The following GRID1 variants were observed in gnomAD, a reference collection of about 807,000 sequenced individuals.
GRID1 encodes glutamate receptor ionotropic, delta-1.
In GRID1, 28 loss-of-function variants were observed where a neutral mutation model predicts 98.0. That is an observed-to-expected ratio of 0.29 (90% CI 0.21 to 0.39). GRID1 has a LOEUF of 0.39. Among genes scored for constraint, GRID1 ranks in the 10% least tolerant of loss-of-function variants. GRID1 has a pLI of 1.00. For missense variants in GRID1, 1,111 were observed against 1,340.5 expected (o/e 0.83, Z 2.67); for synonymous variants, 553 against 538.5 (o/e 1.03, Z -0.37).
At chr10:85,906,352 C>T (rs1841460910) in intron 5 of GRID1, among the ~76,000 whole-genome samples, 1 of 152,000 alleles carries the variant, frequency 6.6e-6, no homozygotes, top group South Asian at 2.1e-4. Context: ...AAAAAGTAGA[C>T]CAAATAATCA....
chr10:85,689,114 G>A (rs562618680), intron 12 of GRID1, among the ~76,000 whole-genome samples: 22 of 152,220 alleles, frequency 1.4e-4, no homozygotes, highest in Admixed American at 6.5e-4. Context: ...CGTCGAGCAC[G>A]CACAACTCTC....
At chr10:86,168,804 G>A (rs1845438557) in intron 3 of GRID1, among the ~76,000 whole-genome samples, 1 of 152,120 alleles carries the variant, frequency 6.6e-6, no homozygotes, top group African/African-American at 2.4e-5. Context: ...TTACCCTGGG[G>A]GACAGGGCAG....
In GRID1 at chr10:85,599,842, C is replaced by A; in HGVS notation, c.*2431G>T. The A allele has an allele frequency of 9.0e-6, 1 of 110,732 alleles. No individual in the cohort carries two copies. The highest frequency in any genetic ancestry group is 7.1e-3 in the Middle Eastern group (1 of 140). 6.9% of individuals were successfully genotyped at this position (110,732 alleles called of 1,614,324 possible). ...ATATAAACATGGTGAAGAATAACACCATGAGGTGTTAAGGATTTTGTATAA... is the reference window on the plus strand; with the variant it reads ...ATATAAACATGGTGAAGAATAACACAATGAGGTGTTAAGGATTTTGTATAA... On this transcript the variant is annotated 3_prime_UTR_variant, in exon 16 of 16. Coordinates refer to ENST00000327946, the MANE Select transcript of GRID1 (RefSeq NM_017551.3).
intron 2 of GRID1, among the ~76,000 whole-genome samples, chr10:86,236,277 G>C (rs1231342824): frequency 6.6e-6 from 1 of 152,118 alleles, no homozygotes; most frequent in Non-Finnish European, 1.5e-5. Flanking sequence ...TATATGTTCT[G>C]GACAGAAATT....
chr10:86,161,637 C>G (rs1171132992), intron 3 of GRID1, among the ~76,000 whole-genome samples: 2 of 152,132 alleles, frequency 1.3e-5, no homozygotes, highest in African/African-American at 4.8e-5. Context: ...GGGCTTATCT[C>G]TCATCAGTCA....
chr10:86,218,707 G>A (rs969466178), intron 2 of GRID1, among the ~76,000 whole-genome samples: 3 of 152,164 alleles, frequency 2.0e-5, no homozygotes, highest in Non-Finnish European at 4.4e-5. Context: ...CCTCTCCAGG[G>A]ACCTTCTTGT....
At chr10:86,296,032 G>A (rs1180543461) in intron 2 of GRID1, among the ~76,000 whole-genome samples, 1 of 152,204 alleles carries the variant, frequency 6.6e-6, no homozygotes, top group Non-Finnish European at 1.5e-5. Context: ...TAGTGCTACT[G>A]GGAAGTGGCC....
intron 4 of GRID1, among the ~76,000 whole-genome samples, chr10:86,069,314 G>T (rs1405890364): frequency 6.6e-6 from 1 of 152,180 alleles, no homozygotes; most frequent in African/African-American, 2.4e-5. Flanking sequence ...GGATGGAGCT[G>T]CTCCAGACCA....
At chr10:85,915,514 CACAG>C (rs1435793311) in intron 5 of GRID1, among the ~76,000 whole-genome samples, 2 of 151,202 alleles carry the variant, frequency 1.3e-5, no homozygotes, top group Non-Finnish European at 2.9e-5. Context: ...TGCACACACA[CACAG>C]ACACACATAT....
intron 2 of GRID1, among the ~76,000 whole-genome samples, chr10:86,285,718 C>A (rs1564728796): frequency 6.6e-6 from 1 of 152,104 alleles, no homozygotes; most frequent in East Asian, 1.9e-4. Context: ...GGAATAGGTA[C>A]AGATTAGATG....
chr10:85,775,508 G>C (rs1842322143), intron 8 of GRID1, among the ~76,000 whole-genome samples: 1 of 151,730 alleles, frequency 6.6e-6, no homozygotes, highest in South Asian at 2.1e-4. Flanking sequence ...AAAAAAGATG[G>C]CAACAATAGA....
chr10:86,293,101 C>T (rs1847539387), intron 2 of GRID1, among the ~76,000 whole-genome samples: 1 of 152,200 alleles, frequency 6.6e-6, no homozygotes, highest in African/African-American at 2.4e-5. Flanking sequence ...GCTGTGCCGG[C>T]GCTGCCTCTG....
chr10:85,821,156 A>G (rs1041665899), intron 8 of GRID1, among the ~76,000 whole-genome samples: 1 of 151,656 alleles, frequency 6.6e-6, no homozygotes, highest in Non-Finnish European at 1.5e-5. Flanking sequence ...AGAAAGAGTA[A>G]AAAAAAAGCA....
rs78781796 is a variant in GRID1 at position 86,019,863 on chromosome 10, T to C, written c.727-103624A>G. The stretch of plus-strand genomic sequence containing the variant: ...GGCCAGGGTGGTTCGAGGAGCACAC[T>C]GATGGCAGCAGCCAGCTCACTGGCA... On this transcript the variant is annotated intron_variant, in intron 4 of 15. Coordinates refer to ENST00000327946, the MANE Select transcript of GRID1 (RefSeq NM_017551.3). Among the ~76,000 whole-genome samples, 95 of 152,352 alleles carry C rather than the reference T, an allele frequency of 6.2e-4. 1 individual carries two copies. Among genetic ancestry groups the C allele is most frequent in the African/African-American group, 2.0e-3 (85 of 41,576 alleles).
intron 4 of GRID1, among the ~76,000 whole-genome samples, chr10:85,943,837 G>A (rs1049367653): frequency 1.3e-5 from 2 of 152,184 alleles, no homozygotes; most frequent in Non-Finnish European, 2.9e-5. Context: ...ATGGCCACAC[G>A]ATTCTCCCTC....
At chr10:86,138,639 G>A (rs1844963760) in intron 4 of GRID1, among the ~76,000 whole-genome samples, 180 bp downstream of exon 4, 1 of 152,230 alleles carries the variant, frequency 6.6e-6, no homozygotes, top group Non-Finnish European at 1.5e-5. Flanking sequence ...GAACTATCAG[G>A]AGCCAAGTAG....
intron 2 of GRID1, among the ~76,000 whole-genome samples, chr10:86,212,186 T>C (rs759473923): frequency 6.6e-6 from 1 of 152,166 alleles, no homozygotes; most frequent in Non-Finnish European, 1.5e-5. Flanking sequence ...CCACGGTTCC[T>C]GGTGCCACCC....
chr10:85,996,862 A>T (rs888812706), intron 4 of GRID1, among the ~76,000 whole-genome samples: 2 of 151,646 alleles, frequency 1.3e-5, no homozygotes, highest in African/African-American at 4.8e-5. Flanking sequence ...GAAAGAAAAG[A>T]AAAGGAAAAA....
intron 13 of GRID1, among the ~76,000 whole-genome samples, chr10:85,643,421 C>T (rs1843147724): frequency 6.6e-6 from 1 of 152,166 alleles, no homozygotes; most frequent in South Asian, 2.1e-4. Context: ...TAGGGCACAG[C>T]CATCTCCAGA....
Sources: gnomAD v4.1 joint callset for allele counts (sites outside exome capture counted in the v4.1 genomes callset) on GRCh38, gnomAD v4.1.1 for gene constraint, MANE v1.5 for transcripts, NCBI Gene and HGNC (gene_info 2026-07-23, HGNC 2026-07-21) for gene names.